Variants in STAG1 observed in about 807,000 individuals in gnomAD.
STAG1 encodes STAG1 cohesin complex component.
STAG1 carries 26 observed loss-of-function variants against 170.9 expected under a neutral mutation model. The observed-to-expected ratio is 0.15, with a 90% confidence interval of 0.11 to 0.21. STAG1 has a LOEUF of 0.21. Ranked by LOEUF, STAG1 falls within the 10% of genes least tolerant of loss-of-function variation. The pLI, the probability that STAG1 is intolerant of heterozygous loss-of-function variation, is 1.00. For missense variants in STAG1, 964 were observed against 1,509.5 expected (o/e 0.64, Z 5.99); for synonymous variants, 514 against 497.7 (o/e 1.03, Z -0.44).
intron 21 of STAG1, among the ~76,000 whole-genome samples, chr3:136,411,293 TATTTC>T (rs1170396023): frequency 2.0e-5 from 3 of 151,846 alleles, no homozygotes; most frequent in Non-Finnish European, 2.9e-5. Flanking sequence ...TTCCAGAAAA[TATTTC>T]ATCTTTCAAA....
intron 13 of STAG1, among the ~76,000 whole-genome samples, chr3:136,458,850 T>G (rs991193237): frequency 6.6e-6 from 1 of 152,148 alleles, no homozygotes; most frequent in Non-Finnish European, 1.5e-5. Flanking sequence ...TCCATGCACT[T>G]AGAAACCAAA....
chr3:136,475,476 G>C (rs1016319382), intron 10 of STAG1, among the ~76,000 whole-genome samples: 2 of 152,036 alleles, frequency 1.3e-5, no homozygotes, highest in East Asian at 1.9e-4. Flanking sequence ...TACAAACCTC[G>C]CAACATCACC....
At chr3:136,686,697 G>C (rs1942542853) in intron 1 of STAG1, among the ~76,000 whole-genome samples, 1 of 152,150 alleles carries the variant, frequency 6.6e-6, no homozygotes, top group Admixed American at 6.5e-5. Context: ...AAAAAGTCTA[G>C]ATGTATTTGA....
At chr3:136,365,130 T>C (rs547451469) in intron 25 of STAG1, among the ~76,000 whole-genome samples, 1 of 152,286 alleles carries the variant, frequency 6.6e-6, no homozygotes, top group Admixed American at 6.5e-5. Flanking sequence ...CTAAGGATGA[T>C]AAAAGTTCTG....
chr3:136,498,402 A>C (rs919911730), intron 9 of STAG1, among the ~76,000 whole-genome samples: 15 of 150,680 alleles, frequency 1.0e-4, no homozygotes, highest in Admixed American at 9.3e-4. Flanking sequence ...CAAAAAAAAA[A>C]CCCAGATATG....
intron 12 of STAG1, 32 bp from the exon 13 acceptor site, chr3:136,465,020 A>C: frequency 6.7e-7 from 1 of 1,485,876 alleles, no homozygotes; most frequent in Non-Finnish European, 9.2e-7. Context: ...ATCTGATCTA[A>C]AGCAAATGTT....
intron 4 of STAG1, among the ~76,000 whole-genome samples, chr3:136,598,426 TTTTTTTTTC>T: frequency 6.6e-6 from 1 of 151,798 alleles, no homozygotes; most frequent in East Asian, 1.9e-4. Flanking sequence ...TACAACCTTT[TTTTTTTTTC>T]TTTTTTTTTG....
intron 21 of STAG1, among the ~76,000 whole-genome samples, chr3:136,404,210 T>C (rs2087416143): frequency 6.6e-6 from 1 of 152,222 alleles, no homozygotes; most frequent in East Asian, 1.9e-4. Flanking sequence ...CCATACTCTT[T>C]CTGCCTTGGA....
intron 10 of STAG1, among the ~76,000 whole-genome samples, chr3:136,476,735 G>A (rs576854642): frequency 5.3e-5 from 8 of 152,156 alleles, no homozygotes; most frequent in South Asian, 2.1e-4. Context: ...ATTACAGTAC[G>A]TAAATGCCAC....
At chr3:136,394,368 A>G (rs1314244839) in intron 22 of STAG1, among the ~76,000 whole-genome samples, 1 of 152,256 alleles carries the variant, frequency 6.6e-6, no homozygotes, top group East Asian at 1.9e-4. Flanking sequence ...AAATGAGAAG[A>G]AATAACTTGA....
At chr3:136,553,993 G>T (rs1936512191) in intron 5 of STAG1, among the ~76,000 whole-genome samples, 1 of 152,096 alleles carries the variant, frequency 6.6e-6, no homozygotes, top group Non-Finnish European at 1.5e-5. Flanking sequence ...CGATCCAGCT[G>T]TAAGTTGTAA....
intron 26 of STAG1, among the ~76,000 whole-genome samples, chr3:136,362,042 G>A (rs1042351506): frequency 2.0e-5 from 3 of 151,922 alleles, no homozygotes; most frequent in Admixed American, 6.5e-5. Flanking sequence ...TGCAACCCCC[G>A]CCTCCCAGGT....
chr3:136,536,797 G>T (rs185859067), intron 6 of STAG1, among the ~76,000 whole-genome samples: 1 of 151,680 alleles, frequency 6.6e-6, no homozygotes, highest in African/African-American at 2.4e-5. Flanking sequence ...GTGACCTCAG[G>T]CAAGTTTCTT....
intron 9 of STAG1, 101 bp downstream of exon 9, chr3:136,500,122 A>G (rs1933389297): frequency 2.6e-6 from 2 of 775,150 alleles, no homozygotes; most frequent in East Asian, 5.8e-5. Flanking sequence ...AAAACAAAAC[A>G]TAAATCATAA....
chr3:136,527,728 G>T (rs907169646), intron 6 of STAG1, among the ~76,000 whole-genome samples: 8 of 152,036 alleles, frequency 5.3e-5, no homozygotes, highest in African/African-American at 1.9e-4. Context: ...ATCTACCTTT[G>T]GTCTTTGATG....
Position 136,340,551 on chromosome 3 carries a change from T to A in STAG1, c.3612A>T (p.Ser1204=), listed in dbSNP as rs1935926799. Residue 1204 remains serine (S), a synonymous_variant, in exon 32 of 34, where the codon TCA becomes TCT. Coordinates refer to ENST00000383202, the MANE Select transcript of STAG1 (RefSeq NM_005862.3). ...AEPIFEDVMM[S]SRSQLEDMNE... ...TCATATCTTCTAACTGGCTTCGGGA[T>A]GACATCATCACATCTTCAAAGATGG... is the stretch of plus-strand genomic sequence containing the variant. 3 of 1,614,152 alleles carry A rather than the reference T, an allele frequency of 1.9e-6. No homozygotes were observed. The highest frequency in any genetic ancestry group is 2.5e-6 in the Non-Finnish European group (3 of 1,179,966).
chr3:136,411,287 A>G (rs2087616753), intron 21 of STAG1, among the ~76,000 whole-genome samples: 1 of 152,174 alleles, frequency 6.6e-6, no homozygotes, highest in African/African-American at 2.4e-5. Context: ...TTATTTTTCC[A>G]GAAAATATTT....
intron 22 of STAG1, among the ~76,000 whole-genome samples, chr3:136,398,256 T>A (rs191060608): frequency 6.6e-6 from 1 of 152,300 alleles, no homozygotes; most frequent in African/African-American, 2.4e-5. Flanking sequence ...TAGCTGGGAC[T>A]ACAGGTGTGC....
chr3:136,502,347 T>C (rs1933528602), intron 8 of STAG1, among the ~76,000 whole-genome samples: 1 of 152,102 alleles, frequency 6.6e-6, no homozygotes, highest in African/African-American at 2.4e-5. Flanking sequence ...CTTCAGTATT[T>C]ATCATACTTT....
Sources: gnomAD v4.1 joint callset for allele counts (sites outside exome capture counted in the v4.1 genomes callset) on GRCh38, gnomAD v4.1.1 for gene constraint, MANE v1.5 for transcripts, NCBI Gene and HGNC (gene_info 2026-07-23, HGNC 2026-07-21) for gene names.